The following IL2RB variants were observed in gnomAD, a reference collection of about 807,000 sequenced individuals.
The protein encoded by IL2RB is interleukin-2 receptor subunit beta.
In IL2RB, 17 loss-of-function variants were observed where a neutral mutation model predicts 44.2. That is an observed-to-expected ratio of 0.38 (90% CI 0.26 to 0.58). The LOEUF (loss-of-function observed/expected upper bound fraction) is 0.58. Among genes scored for constraint, IL2RB ranks in the 20% least tolerant of loss-of-function variants. The probability of loss-of-function intolerance (pLI) is 0.63; values close to 1 mark genes in which losing one functional copy is unlikely to be tolerated. For missense variants in IL2RB, 624 were observed against 685.5 expected (o/e 0.91, Z 1.00); for synonymous variants, 286 against 297.9 (o/e 0.96, Z 0.41).
At position 37,128,960 on chromosome 22, in the gene IL2RB, A is replaced by G; in HGVS notation, c.904-112T>C. The G allele has an allele frequency of 7.8e-7, 1 of 1,277,844 alleles. No homozygotes were observed. The highest frequency in any genetic ancestry group is 1.1e-6 in the Non-Finnish European group (1 of 950,150). 79.2% of individuals were successfully genotyped at this position (1,277,844 alleles called of 1,614,324 possible). On this transcript the variant is annotated intron_variant, in intron 9 of 9. Transcript: ENST00000216223. The surrounding 1 kb of genome is among the most constrained non-coding windows in gnomAD (Gnocchi z 4.5). ...CTCCTCCTCCTGAAGCAGTTGGCCC[A>G]GGGCTGCCCCATCCAGGAAGCTCTC... is the stretch of plus-strand genomic sequence containing the variant.
chr22:37,145,295 G>A (rs1368050618), intron 1 of IL2RB, among the ~76,000 whole-genome samples: 1 of 152,120 alleles, frequency 6.6e-6, no homozygotes, highest in East Asian at 1.9e-4. Flanking sequence ...GCAGGGCCAG[G>A]TTGGTCACCC....
chr22:37,151,340 C>A (rs114114729), upstream of IL2RB, among the ~76,000 whole-genome samples: 756 of 152,294 alleles, frequency 5.0e-3, 9 homozygotes, highest in African/African-American at 0.018. Flanking sequence ...TGTTGAGCAC[C>A]TTTTCATAAA....
At chr22:37,155,249 C>T (rs1218381012) in intron 1 of IL2RB, among the ~76,000 whole-genome samples, 1 of 152,096 alleles carries the variant, frequency 6.6e-6, no homozygotes, top group Non-Finnish European at 1.5e-5. Context: ...CCTCAGCAGG[C>T]CCATGGTGGC....
upstream of IL2RB, among the ~76,000 whole-genome samples, chr22:37,154,287 C>T (rs1052575123): frequency 6.6e-6 from 1 of 152,172 alleles, no homozygotes; most frequent in African/African-American, 2.4e-5. Flanking sequence ...AGGGAGGGGG[C>T]TACGCAGAGA....
chr22:37,128,755 C>A lies in IL2RB; in HGVS notation c.997G>T (p.Val333Leu), dbSNP rs780229147. ...SPLEVLERDK[V>L]TQLLLQQDKV... is the part of the protein sequence containing the mutation. ...TCCTGCTGCAGGAGCAGCTGCGTCACCTTGTCCCTCTCCAGCACTTCTAGT... is the reference window on the plus strand; with the variant it reads ...TCCTGCTGCAGGAGCAGCTGCGTCAACTTGTCCCTCTCCAGCACTTCTAGT... The change falls in exon 10 of 10, where the codon GTG becomes TTG. Residue 333 changes from valine (V) to leucine (L), a missense_variant. Val to Leu is a conservative substitution (Grantham distance 32, BLOSUM62 1). Transcript: ENST00000216223. This position sits in a 1 kb window ranked among gnomAD's most constrained non-coding sequence, Gnocchi z 4.5. 9 of 1,614,012 alleles carry A rather than the reference C, an allele frequency of 5.6e-6. No individual in the cohort carries two copies. Among genetic ancestry groups the A allele is most frequent in the African/African-American group, 1.3e-5 (1 of 74,920 alleles).
At chr22:37,154,645 G>A (rs1309077907), upstream of IL2RB, among the ~76,000 whole-genome samples, 22 of 149,276 alleles carry the variant, frequency 1.5e-4, no homozygotes, top group African/African-American at 2.5e-5. Flanking sequence ...GCGCGATCTC[G>A]GCTCATTGCA....
rs1238007879 is a variant in IL2RB at position 37,128,729 on chromosome 22, G to T, written c.1023C>A (p.Asp341Glu). Residue 341 changes from aspartate to glutamate, a missense_variant, in exon 10 of 10, where the codon GAC becomes GAA. This residue lies in a region of IL2RB where 291 missense variants were observed against 275.5 expected (regional missense o/e 1.06). Coordinates refer to ENST00000216223, the MANE Select transcript of IL2RB (RefSeq NM_000878.5). The surrounding 1 kb of genome is among the most constrained non-coding windows in gnomAD (Gnocchi z 4.5). ...TTAAGGATGCGGGCTCAGGCACCTT[G>T]TCCTGCTGCAGGAGCAGCTGCGTCA... is the stretch of plus-strand genomic sequence containing the variant. ...DKVTQLLLQQ[D>E]KVPEPASLSS... The T allele has an allele frequency of 6.2e-7, 1 of 1,614,170 alleles. No homozygotes were observed.
rs1312690352 is a variant in IL2RB, at chr22:37,141,709, C to T, written c.282+725G>A. On this transcript the variant is annotated intron_variant, in intron 4 of 9. Coordinates refer to ENST00000216223, the MANE Select transcript of IL2RB (RefSeq NM_000878.5). This position sits in a 1 kb window ranked among gnomAD's most constrained non-coding sequence, Gnocchi z 4.4. Reference sequence around the variant, plus strand: ...ACAGCCTGGCACGCTCGAGGCAGCACTGACTCACTGGCCCCAGCTGCCTCG... The same window carrying T: ...ACAGCCTGGCACGCTCGAGGCAGCATTGACTCACTGGCCCCAGCTGCCTCG... Among the ~76,000 whole-genome samples the T allele has an allele frequency of 2.6e-5, 4 of 152,222 alleles. No individual in the cohort carries two copies. Among genetic ancestry groups the T allele is most frequent in the African/African-American group, 9.6e-5 (4 of 41,456 alleles).
Position 37,149,897 on chromosome 22 carries a change from C to A in IL2RB, c.-106G>T. On this transcript the variant is annotated 5_prime_UTR_variant, in exon 1 of 10. Coordinates refer to ENST00000216223, the MANE Select transcript of IL2RB (RefSeq NM_000878.5). ...CGGTGCTGGGACCGTGGCCATCTCT[C>A]CAGGGCCCTGCTGAGCTCTGGCTGC... 1.0e-6 allele frequency: 1 copy of A among 985,738 alleles called. No homozygotes were observed. Among genetic ancestry groups the A allele is most frequent in the Non-Finnish European group, 1.2e-6 (1 of 830,228 alleles). 61.1% of individuals were successfully genotyped at this position (985,738 alleles called of 1,614,324 possible). A position where few individuals can be genotyped will look rare whatever the true frequency, so the allele number is the denominator to read the frequency against.
intron 1 of IL2RB, among the ~76,000 whole-genome samples, chr22:37,174,526 C>T (rs891155522): frequency 3.9e-5 from 6 of 152,158 alleles, no homozygotes; most frequent in Non-Finnish European, 8.8e-5. Flanking sequence ...TATGAAATGC[C>T]ATGAACCCCA....
chr22:37,128,349 T>A lies in IL2RB; in HGVS notation c.1403A>T (p.Asp468Val), dbSNP rs767425074. ...GGTGGGAGGCCCCAGGGGCTGGGGG[T>A]CCCAGTCTCTGGGGACTCTTTCTTG... Reference protein sequence around the residue: ...SLQERVPRDWDPQPLGPPTPG... With the variant: ...SLQERVPRDWVPQPLGPPTPG... Residue 468 changes from aspartate (D) to valine (V), a missense_variant, in exon 10 of 10, where the codon GAC becomes GTC. Coordinates refer to ENST00000216223, the MANE Select transcript of IL2RB (RefSeq NM_000878.5). The surrounding 1 kb of genome is among the most constrained non-coding windows in gnomAD (Gnocchi z 4.5). 2.7e-6 allele frequency: 4 copies of A among 1,500,882 alleles called. No homozygotes were observed. The highest frequency in any genetic ancestry group is 2.8e-5 in the African/African-American group (2 of 71,040). The allele number at this position is 1,500,882 out of a possible 1,614,324, so 93.0% of individuals were successfully genotyped here.
chr22:37,143,467 C>T (rs1428320024), intron 3 of IL2RB, 54 bp downstream of exon 3: 1 of 1,219,440 alleles, frequency 8.2e-7, no homozygotes, highest in African/African-American at 1.5e-5. Flanking sequence ...GCATAGGATC[C>T]AGAATATGAG....
rs765594084 is a variant in IL2RB at position 37,128,675 on chromosome 22, G to A, written c.1077C>T (p.Phe359=). The part of the protein sequence containing the change: ...LSSNHSLTSC[F]TNQGYFFFHL... Reference sequence around the variant, plus strand: ...GGAAGAAGAAGTAACCCTGGTTGGTGAAGCAGCTGGTCAGCGAGTGGTTGC... The same window carrying A: ...GGAAGAAGAAGTAACCCTGGTTGGTAAAGCAGCTGGTCAGCGAGTGGTTGC... The change falls in exon 10 of 10, where the codon TTC becomes TTT. Residue 359 remains phenylalanine (F), a synonymous_variant. Transcript: ENST00000216223. This position sits in a 1 kb window ranked among gnomAD's most constrained non-coding sequence, Gnocchi z 4.5. 8.7e-6 allele frequency: 14 copies of A among 1,614,078 alleles called. No homozygotes were observed. Among genetic ancestry groups the A allele is most frequent in the African/African-American group, 1.3e-5 (1 of 74,934 alleles).
chr22:37,145,030 G>T (rs1244173335), intron 1 of IL2RB, among the ~76,000 whole-genome samples: 2 of 152,392 alleles, frequency 1.3e-5, no homozygotes, highest in African/African-American at 2.4e-5. Flanking sequence ...AAAGTCAGCA[G>T]GTAGAGGGGC....
At chr22:37,157,521 G>A (rs922382279) in intron 1 of IL2RB, among the ~76,000 whole-genome samples, 5 of 152,154 alleles carry the variant, frequency 3.3e-5, no homozygotes, top group Admixed American at 2.6e-4. Flanking sequence ...TACCAGGATC[G>A]CGCCAAGGTG....
At chr22:37,154,107 C>G (rs543704083), upstream of IL2RB, among the ~76,000 whole-genome samples, 4 of 152,312 alleles carry the variant, frequency 2.6e-5, no homozygotes, top group African/African-American at 9.6e-5. Context: ...GGAGGTAGGC[C>G]ACTCTCCACC....
intron 1 of IL2RB, among the ~76,000 whole-genome samples, chr22:37,169,131 C>T (rs1923180463): frequency 6.8e-6 from 1 of 147,826 alleles, no homozygotes. Flanking sequence ...GGGGTTCTTG[C>T]TTACAGATGG....
At chr22:37,152,280 T>C (rs150869518), upstream of IL2RB, among the ~76,000 whole-genome samples, 344 of 152,352 alleles carry the variant, frequency 2.3e-3, 5 homozygotes, top group African/African-American at 6.7e-3. Flanking sequence ...TAGAGATCTT[T>C]CACTTTTTTG....
At chr22:37,157,144 T>G (rs1291519667) in intron 1 of IL2RB, among the ~76,000 whole-genome samples, 1 of 150,236 alleles carries the variant, frequency 6.7e-6, no homozygotes, top group Non-Finnish European at 1.5e-5. Context: ...ATCACAAAGC[T>G]GCAGGGGCCC....
Sources: allele counts gnomAD v4.1 joint callset (sites outside exome capture counted in the v4.1 genomes callset), GRCh38; gene constraint gnomAD v4.1.1; regional missense constraint gnomAD v4.1.1; non-coding constraint Gnocchi (gnomAD v3.1); transcripts MANE v1.5; gene names NCBI Gene and HGNC (gene_info 2026-07-23, HGNC 2026-07-21).